The following CDH1 variants were observed in gnomAD, a reference collection of about 807,000 sequenced individuals.
The protein encoded by CDH1 is cadherin-1.
A neutral mutation model predicts 84.5 loss-of-function variants in CDH1; 35 were observed. The ratio of observed to expected loss-of-function variants is 0.41; its 90% CI spans 0.32 to 0.55. The LOEUF is 0.55. Ranked by LOEUF, CDH1 falls within the 20% of genes least tolerant of loss-of-function variation. The pLI, the probability that CDH1 is intolerant of heterozygous loss-of-function variation, is 0.19. For synonymous variants in CDH1, 417 were observed against 439.0 expected (o/e 0.95, Z 0.63); for missense variants, 994 against 1,126.6 (o/e 0.88, Z 1.68).
At chr16:68,793,697 G>A (rs1960273195) in intron 2 of CDH1, among the ~76,000 whole-genome samples, 1 of 152,202 alleles carries the variant, frequency 6.6e-6, no homozygotes, top group Non-Finnish European at 1.5e-5. Context: ...TTTAGGACCA[G>A]CCTGACCAAG....
Position 68,822,062 on chromosome 16 carries a change from C to T in CDH1, c.1773C>T (p.Asn591=), listed in dbSNP as rs373719554. ...LLLILSDVND[N]APIPEPRTIF... ...TGATCCTGTCTGATGTGAATGACAACGCCCCCATACCAGAACCTCGAACTA... is the reference window on the plus strand; with the variant it reads ...TGATCCTGTCTGATGTGAATGACAATGCCCCCATACCAGAACCTCGAACTA... Residue 591 remains asparagine, a synonymous_variant, in exon 12 of 16, where the codon AAC becomes AAT. Coordinates refer to ENST00000261769, the MANE Select transcript of CDH1 (RefSeq NM_004360.5). 2.8e-5 allele frequency: 45 copies of T among 1,614,188 alleles called. No individual in the cohort carries two copies. In the Middle Eastern group the frequency reaches 4.9e-4, roughly 18 times the overall value.
At chr16:68,781,063 A>C (rs926928469) in intron 2 of CDH1, among the ~76,000 whole-genome samples, 2 of 152,214 alleles carry the variant, frequency 1.3e-5, no homozygotes, top group African/African-American at 4.8e-5. Context: ...TGGGGAAAAA[A>C]GTGTCGGCTG....
At chr16:68,769,466 C>CT (rs56958523) in intron 2 of CDH1, among the ~76,000 whole-genome samples, 64 of 146,416 alleles carry the variant, frequency 4.4e-4, no homozygotes, top group East Asian at 1.2e-3. Context: ...AATGGAATTT[C>CT]TTTTTTTTTT....
chr16:68,762,050 C>T (rs1213580698), intron 2 of CDH1, among the ~76,000 whole-genome samples: 1 of 152,216 alleles, frequency 6.6e-6, no homozygotes, highest in African/African-American at 2.4e-5. Context: ...GGCCTGCCTG[C>T]TCAGGTTCTG....
At chr16:68,819,208 G>A (rs1961069257) in intron 10 of CDH1, 72 bp from the exon 11 acceptor site, 2 of 1,555,878 alleles carry the variant, frequency 1.3e-6, no homozygotes, top group Admixed American at 3.3e-5. Flanking sequence ...AACTGAAGAA[G>A]CGCTTAAGCC....
rs141864044 is a variant in CDH1, at chr16:68,813,349, G to C, written c.1174G>C (p.Val392Leu). Residue 392 changes from valine to leucine, a missense_variant, in exon 9 of 16, where the codon GTA becomes CTA. By Grantham distance (32) the Val-to-Leu change is conservative (BLOSUM62 1). Transcript: ENST00000261769. ...GQVPENEANV[V>L]ITTLKVTDAD... ...GGTGCCTGAGAACGAGGCTAACGTC[G>C]TAATCACCACACTGAAAGTGACTGA... 1.2e-6 allele frequency: 2 copies of C among 1,614,130 alleles called. No individual in the cohort carries two copies. Among genetic ancestry groups the C allele is most frequent in the Non-Finnish European group, 1.7e-6 (2 of 1,180,038 alleles).
intron 2 of CDH1, among the ~76,000 whole-genome samples, chr16:68,779,749 C>T (rs973919327): frequency 6.6e-6 from 1 of 152,040 alleles, no homozygotes; most frequent in African/African-American, 2.4e-5. Context: ...CCCAGCTACT[C>T]GGGAGGCTGA....
intron 9 of CDH1, chr16:68,814,591 T>C (rs1367204732): frequency 1.3e-5 from 2 of 151,998 alleles, no homozygotes; most frequent in East Asian, 3.9e-4. Flanking sequence ...GATCCTGAAA[T>C]TGAAAAAGAA....
At chr16:68,767,842 G>A (rs1357331424) in intron 2 of CDH1, among the ~76,000 whole-genome samples, 1 of 152,134 alleles carries the variant, frequency 6.6e-6, no homozygotes, top group Non-Finnish European at 1.5e-5. Context: ...CACTTGTATT[G>A]CCAGTTACTT....
chr16:68,825,913 C>T (rs1961311109), intron 13 of CDH1, among the ~76,000 whole-genome samples: 1 of 148,116 alleles, frequency 6.8e-6, no homozygotes, highest in Non-Finnish European at 1.5e-5. Flanking sequence ...ACTTCCGGGG[C>T]TCAGGCAATC....
chr16:68,782,001 G>T lies in CDH1; in HGVS notation c.164-19669G>T, dbSNP rs190533705. Reference sequence around the variant, plus strand: ...CGCAGCCCAGGAAACTCCTTTCATGGCCACAGAGATGTTTCCAGATGGCCT... The same window carrying T: ...CGCAGCCCAGGAAACTCCTTTCATGTCCACAGAGATGTTTCCAGATGGCCT... On this transcript the variant is annotated intron_variant, in intron 2 of 15. Coordinates refer to ENST00000261769, the MANE Select transcript of CDH1 (RefSeq NM_004360.5). Among the ~76,000 whole-genome samples, 4 of 152,310 alleles carry T rather than the reference G, an allele frequency of 2.6e-5. No homozygotes were observed. In the East Asian group the frequency reaches 5.8e-4, roughly 22 times the overall value.
chr16:68,745,547 A>ATAT (rs1491171815), intron 2 of CDH1, among the ~76,000 whole-genome samples: 15 of 21,978 alleles, frequency 6.8e-4, no homozygotes, highest in Non-Finnish European at 1.5e-3. Context: ...AAAAAAAAAA[A>ATAT]AAATATATAT....
chr16:68,821,722 G>T (rs555057903), intron 11 of CDH1, among the ~76,000 whole-genome samples: 1 of 152,282 alleles, frequency 6.6e-6, no homozygotes, highest in South Asian at 2.1e-4. Flanking sequence ...AATGAATAAC[G>T]ATATGTGAAG....
At chr16:68,825,428 C>G (rs1178307374) in intron 13 of CDH1, among the ~76,000 whole-genome samples, 1 of 152,160 alleles carries the variant, frequency 6.6e-6, no homozygotes, top group Non-Finnish European at 1.5e-5. Context: ...GGGACCAAAT[C>G]TAGGGTTTTC....
intron 8 of CDH1, among the ~76,000 whole-genome samples, chr16:68,812,607 A>G (rs2152132964): frequency 6.6e-6 from 1 of 152,370 alleles, no homozygotes; most frequent in South Asian, 2.1e-4. Flanking sequence ...GACACTGGAG[A>G]GACCATCACA....
intron 2 of CDH1, among the ~76,000 whole-genome samples, chr16:68,796,153 ACT>A (rs545846398): frequency 2.0e-4 from 30 of 151,236 alleles, no homozygotes; most frequent in Non-Finnish European, 3.2e-4. Context: ...ACAGTGCGAG[ACT>A]CTGTCTTTAA....
rs1180742144 is a variant in CDH1 at position 68,819,373 on chromosome 16, T to C, written c.1659T>C (p.Phe553=). Residue 553 remains phenylalanine, a synonymous_variant, in exon 11 of 16, where the codon TTT becomes TTC. Coordinates refer to ENST00000261769, the MANE Select transcript of CDH1 (RefSeq NM_004360.5). ...STRAELDRED[F]EHVKNSTYTA... ...GGGCTGAGCTGGACAGGGAGGATTT[T>C]GAGCACGTGAAGAACAGCACGTACA... The C allele has an allele frequency of 6.2e-7, 1 of 1,614,054 alleles. No homozygotes were observed. Among genetic ancestry groups the C allele is most frequent in the Admixed American group, 1.7e-5 (1 of 60,012 alleles).
chr16:68,745,107 G>A (rs1262655790), intron 2 of CDH1, among the ~76,000 whole-genome samples: 1 of 151,648 alleles, frequency 6.6e-6, no homozygotes, highest in Admixed American at 6.6e-5. Flanking sequence ...AACTGGAGTG[G>A]GAGGAGTGGG....
Position 68,829,621 on chromosome 16 carries a change from T to TCTTCATTGTACTTCAACCTTTTTTCTC in CDH1, c.2296-31_2296-5dup, listed in dbSNP as rs1362496084. The TCTTCATTGTACTTCAACCTTTTTTCTC allele has an allele frequency of 1.9e-6, 3 of 1,611,534 alleles. No homozygotes were observed. ...GTGTGTATGACTATTTCTTTCCTAC[T>TCTTCATTGTACTTCAACCTTTTTTCTC]CTTCATTGTACTTCAACCTTTTTTC... On this transcript the variant is annotated intron_variant, in intron 14 of 15. Coordinates refer to ENST00000261769, the MANE Select transcript of CDH1 (RefSeq NM_004360.5).
Sources: allele counts gnomAD v4.1 joint callset (sites outside exome capture counted in the v4.1 genomes callset), GRCh38; gene constraint gnomAD v4.1.1; transcripts MANE v1.5; gene names NCBI Gene and HGNC (gene_info 2026-07-23, HGNC 2026-07-21).